Variants in SLC25A13 observed in about 807,000 individuals in gnomAD.
SLC25A13 encodes the protein solute carrier family 25 member 13, also known as electrogenic aspartate/glutamate antiporter SLC25A13, mitochondrial.
SLC25A13 carries 70 observed loss-of-function variants against 85.5 expected under a neutral mutation model. The observed-to-expected ratio is 0.82, with a 90% CI of 0.68 to 1.00. The LOEUF is 1.00. Ranked by LOEUF, SLC25A13 falls within the 50% of genes least tolerant of loss-of-function variation. The pLI is 0.00. For synonymous variants in SLC25A13, 259 were observed against 288.7 expected, an observed-to-expected ratio of 0.90 and a Z score of 1.04; for missense variants, 765 against 819.8, an observed-to-expected ratio of 0.93 and a Z score of 0.82.
chr7:96,122,869 T>C (rs909792915), intron 15 of SLC25A13, among the ~76,000 whole-genome samples: 8 of 152,184 alleles, frequency 5.3e-5, no homozygotes, highest in Non-Finnish European at 1.2e-4. Flanking sequence ...TTTATTACTT[T>C]TCCATTATGA....
At chr7:96,216,725 A>G (rs1306114100) in intron 4 of SLC25A13, among the ~76,000 whole-genome samples, 1 of 152,182 alleles carries the variant, frequency 6.6e-6, no homozygotes, top group Non-Finnish European at 1.5e-5. Flanking sequence ...GAGGAGAACA[A>G]GAGACAGTGG....
chr7:96,149,035 T>C (rs534708401), intron 13 of SLC25A13, among the ~76,000 whole-genome samples: 1 of 152,348 alleles, frequency 6.6e-6, no homozygotes, highest in South Asian at 2.1e-4. Context: ...TAAAATATAG[T>C]GACCTCTGGA....
intron 3 of SLC25A13, among the ~76,000 whole-genome samples, chr7:96,239,037 T>TTATATATATATATA (rs58990918): frequency 2.0e-3 from 267 of 130,786 alleles, no homozygotes; most frequent in African/African-American, 6.9e-3. Context: ...ACTATATATT[T>TTATATATATATATA]TATATATATA....
At chr7:96,227,034 C>A (rs1264840376) in intron 4 of SLC25A13, among the ~76,000 whole-genome samples, 1 of 152,060 alleles carries the variant, frequency 6.6e-6, no homozygotes, top group African/African-American at 2.4e-5. Context: ...TAAAATATAT[C>A]TATTGAAATA....
At chr7:96,209,276 T>TA (rs1434871118) in intron 4 of SLC25A13, among the ~76,000 whole-genome samples, 1 of 151,276 alleles carries the variant, frequency 6.6e-6, no homozygotes, top group Non-Finnish European at 1.5e-5. Flanking sequence ...ATCATCTCAT[T>TA]TGTTTTTGTT....
intron 3 of SLC25A13, among the ~76,000 whole-genome samples, chr7:96,257,378 G>A (rs1797679419): frequency 6.6e-6 from 1 of 151,994 alleles, no homozygotes; most frequent in African/African-American, 2.4e-5. Context: ...AATGAAAAAG[G>A]GGAGATCACC....
At chr7:96,153,026 T>C (rs932835520) in intron 13 of SLC25A13, among the ~76,000 whole-genome samples, 1 of 152,104 alleles carries the variant, frequency 6.6e-6, no homozygotes, top group Non-Finnish European at 1.5e-5. Context: ...AGAAAATATC[T>C]AGGGGGAAGA....
chr7:96,276,086 A>G (rs1798440146), intron 3 of SLC25A13, among the ~76,000 whole-genome samples: 1 of 152,234 alleles, frequency 6.6e-6, no homozygotes, highest in Admixed American at 6.5e-5. Flanking sequence ...GGTAACTGCA[A>G]TCTGTCAAAA....
At chr7:96,304,798 G>A (rs1289442349) in intron 1 of SLC25A13, among the ~76,000 whole-genome samples, 1 of 152,168 alleles carries the variant, frequency 6.6e-6, no homozygotes, top group African/African-American at 2.4e-5. Flanking sequence ...CCAGCGCCAG[G>A]CACCGAGGAG....
chr7:96,166,225 A>G (rs1793735247), intron 13 of SLC25A13, among the ~76,000 whole-genome samples: 1 of 152,228 alleles, frequency 6.6e-6, no homozygotes. Flanking sequence ...ATGCACACTC[A>G]CGCACACACA....
chr7:96,166,633 T>A (rs1793757312), intron 13 of SLC25A13, among the ~76,000 whole-genome samples: 1 of 152,200 alleles, frequency 6.6e-6, no homozygotes, highest in Non-Finnish European at 1.5e-5. Context: ...CTTTGTTGAA[T>A]GAAGCACTGC....
chr7:96,240,980 A>AGAGGGGAGGAGAGGG (rs1796950706), intron 3 of SLC25A13, among the ~76,000 whole-genome samples: 1 of 14,598 alleles, frequency 6.9e-5, no homozygotes, highest in African/African-American at 2.5e-4. Context: ...AAAGGAGAGG[A>AGAGGGGAGGAGAGGG]GAGGGGAGGG....
At chr7:96,181,678 T>C (rs888728852) in intron 11 of SLC25A13, among the ~76,000 whole-genome samples, 1 of 152,208 alleles carries the variant, frequency 6.6e-6, no homozygotes, top group Non-Finnish European at 1.5e-5. Flanking sequence ...TCAGGAAATA[T>C]GAGCAATTAC....
intron 5 of SLC25A13, among the ~76,000 whole-genome samples, chr7:96,194,685 C>T (rs1485016475): frequency 6.6e-6 from 1 of 152,044 alleles, no homozygotes; most frequent in African/African-American, 2.4e-5. Context: ...ATCTTCCTTT[C>T]CTTCCCCAGA....
rs1336633474 is a variant in SLC25A13 at position 96,322,064 on chromosome 7, G to C, written c.-108C>G. The C allele has an allele frequency of 7.0e-6, 10 of 1,431,900 alleles. No homozygotes were observed. The African/African-American group carries it at 1.3e-4, about 19-fold the overall frequency. 88.7% of individuals were successfully genotyped at this position (1,431,900 alleles called of 1,614,324 possible). On this transcript the variant is annotated 5_prime_UTR_variant, in exon 1 of 18. The change creates a new upstream start codon in the 5' untranslated region. Transcript: ENST00000265631. Reference sequence around the variant, plus strand: ...CGGCGGCGGCGGCGGTGGGGGCGGCGATACGGCCAGGCAGCGTGCGTTCCT... The same window carrying C: ...CGGCGGCGGCGGCGGTGGGGGCGGCCATACGGCCAGGCAGCGTGCGTTCCT...
At chr7:96,217,317 A>G (rs1197017443) in intron 4 of SLC25A13, among the ~76,000 whole-genome samples, 1 of 152,248 alleles carries the variant, frequency 6.6e-6, no homozygotes, top group African/African-American at 2.4e-5. Flanking sequence ...TTTGGAAAAC[A>G]GTCTGGCAGT....
At chr7:96,136,888 A>C (rs932237875) in intron 14 of SLC25A13, among the ~76,000 whole-genome samples, 1 of 152,196 alleles carries the variant, frequency 6.6e-6, no homozygotes, top group Non-Finnish European at 1.5e-5. Context: ...CATTCAAGAC[A>C]ACAGTGGTGC....
chr7:96,266,564 C>T (rs1248848324), intron 3 of SLC25A13, among the ~76,000 whole-genome samples: 1 of 152,090 alleles, frequency 6.6e-6, no homozygotes, highest in Non-Finnish European at 1.5e-5. Context: ...GAATGAGAAG[C>T]AAAATCAGCA....
chr7:96,142,101 C>T (rs1413264579), intron 14 of SLC25A13, among the ~76,000 whole-genome samples: 1 of 152,128 alleles, frequency 6.6e-6, no homozygotes, highest in Admixed American at 6.5e-5. Context: ...CACAATTTTA[C>T]TTAAGAAAAG....
Sources: gnomAD v4.1 joint callset for allele counts (sites outside exome capture counted in the v4.1 genomes callset) on GRCh38, gnomAD v4.1.1 for gene constraint, MANE v1.5 for transcripts, NCBI Gene and HGNC (gene_info 2026-07-23, HGNC 2026-07-21) for gene names.